Variants in DPF1 observed in about 807,000 individuals in gnomAD.
The protein encoded by DPF1 is double PHD fingers 1, also known as zinc finger protein neuro-d4.
Under a neutral mutation model 58.7 loss-of-function variants are expected in DPF1, and 14 were observed. The ratio of observed to expected loss-of-function variants is 0.24; its 90% confidence interval spans 0.16 to 0.37. The LOEUF (loss-of-function observed/expected upper bound fraction) is 0.37, where lower values mean the gene tolerates loss of function less well. Among genes scored for constraint, DPF1 ranks in the 10% least tolerant of loss-of-function variants. The pLI is 1.00. For missense variants in DPF1, 345 were observed against 529.9 expected, an observed-to-expected ratio of 0.65 and a Z score of 3.43; for synonymous variants, 216 against 216.0, an observed-to-expected ratio of 1.00 and a Z score of 0.00.
upstream of DPF1, chr19:38,224,337 C>A: frequency 8.1e-7 from 1 of 1,233,490 alleles, no homozygotes; most frequent in South Asian, 3.5e-5. This position sits in a 1 kb window ranked among gnomAD's most constrained non-coding sequence, Gnocchi z 4.5. Flanking sequence ...CCCCCGGGAC[C>A]CCGCGGGGAC....
Position 38,211,929 on chromosome 19 carries a change from G to T in DPF1, c.*134C>A, listed in dbSNP as rs905123281. The T allele has an allele frequency of 2.5e-5, 24 of 944,832 alleles. No individual in the cohort carries two copies. In the Admixed American group the frequency reaches 3.0e-4, roughly 12 times the overall value. 58.5% of individuals were successfully genotyped at this position (944,832 alleles called of 1,614,324 possible). A position where few individuals can be genotyped will look rare whatever the true frequency, so the allele number is the denominator to read the frequency against. ...GACATTCCACTTGCACAGAGGGGAG[G>T]GGGTGGCCCAGCCCCCTCTCGGCTT... is the stretch of plus-strand genomic sequence containing the variant. On this transcript the variant is annotated 3_prime_UTR_variant, in exon 12 of 12. Coordinates refer to ENST00000355526, the MANE Select transcript of DPF1 (RefSeq NM_001135155.3). The surrounding 1 kb of genome is among the most constrained non-coding windows in gnomAD (Gnocchi z 4.0).
In DPF1 at chr19:38,217,489, A is replaced by G; in HGVS notation, c.698T>C (p.Leu233Pro). Reference protein sequence around the residue: ...EGEENAERHALPFHRKNNHKQ... With the variant: ...EGEENAERHAPPFHRKNNHKQ... ...ATGGTTGTTTTTCCGGTGGAAGGGC[A>G]GGGCGTGGCGTTCGGCGTTCTCCTC... The change falls in exon 7 of 12, where the codon CTG becomes CCG. Residue 233 changes from leucine to proline, a missense_variant. Physicochemically the swap from Leu to Pro is moderately conservative, Grantham distance 98. Coordinates refer to ENST00000355526, the MANE Select transcript of DPF1 (RefSeq NM_001135155.3). The G allele has an allele frequency of 6.5e-7, 1 of 1,534,120 alleles. No individual in the cohort carries two copies.
At chr19:38,218,082 G>A (rs1442933492) in intron 5 of DPF1, among the ~76,000 whole-genome samples, 3 of 152,072 alleles carry the variant, frequency 2.0e-5, no homozygotes, top group Admixed American at 2.0e-4. Flanking sequence ...CGTGCCTGTA[G>A]TCCCAGCTAC....
chr19:38,214,502 A>C (rs7254840), intron 9 of DPF1, among the ~76,000 whole-genome samples: 49,374 of 151,950 alleles, frequency 0.32, 10,295 homozygotes, highest in African/African-American at 0.6. Context: ...AGGCAACCAG[A>C]GTCTATATTG....
intron 9 of DPF1, among the ~76,000 whole-genome samples, chr19:38,214,981 ACG>A (rs1555801124): frequency 6.6e-6 from 1 of 150,844 alleles, no homozygotes; most frequent in Non-Finnish European, 1.5e-5. Context: ...AACTACAGGC[ACG>A]CACCACCACA....
At chr19:38,224,457 ACACGCC>A (rs1733573265), upstream of DPF1, among the ~76,000 whole-genome samples, 1 of 152,118 alleles carries the variant, frequency 6.6e-6, no homozygotes, top group South Asian at 2.1e-4. This position sits in a 1 kb window ranked among gnomAD's most constrained non-coding sequence, Gnocchi z 4.5. Flanking sequence ...CTGGACTCGC[ACACGCC>A]CACGCATGGC....
chr19:38,211,852 G>C lies in DPF1; in HGVS notation c.*211C>G. The C allele has an allele frequency of 7.5e-6, 4 of 534,840 alleles. No homozygotes were observed. The highest frequency in any genetic ancestry group is 1.3e-5 in the Non-Finnish European group (4 of 300,912). 33.1% of individuals were successfully genotyped at this position (534,840 alleles called of 1,614,324 possible). A position where few individuals can be genotyped will look rare whatever the true frequency, so the allele number is the denominator to read the frequency against. On this transcript the variant is annotated 3_prime_UTR_variant, in exon 12 of 12. Transcript: ENST00000355526. This position sits in a 1 kb window ranked among gnomAD's most constrained non-coding sequence, Gnocchi z 4.0. ...TGGTGTCCATTTGCCAAGGGACAGA[G>C]AGGGAGGGAGGGAGGGAGAGGCCCT...
At chr19:38,215,218 C>T (rs996980835) in intron 9 of DPF1, among the ~76,000 whole-genome samples, 27 of 150,796 alleles carry the variant, frequency 1.8e-4, no homozygotes, top group Middle Eastern at 3.4e-3. Context: ...CTGGGTGCTG[C>T]GGTGGCTCAC....
In DPF1 at chr19:38,222,830, C is replaced by T. The variant is rs996391430; in HGVS notation, c.30-122G>A. ...GGAGGGGTGGGCCGACCCCTCCAGC[C>T]TCACCTCTCCCCTCCTCCCACTCCG... On this transcript the variant is annotated intron_variant, in intron 1 of 11. Transcript: ENST00000355526. The surrounding 1 kb of genome is among the most constrained non-coding windows in gnomAD (Gnocchi z 4.9). 1 of 1,317,208 alleles carries T rather than the reference C, an allele frequency of 7.6e-7. No homozygotes were observed. Among genetic ancestry groups the T allele is most frequent in the Middle Eastern group, 2.8e-4 (1 of 3,610 alleles). 81.6% of individuals were successfully genotyped at this position (1,317,208 alleles called of 1,614,324 possible). A position where few individuals can be genotyped will look rare whatever the true frequency, so the allele number is the denominator to read the frequency against.
chr19:38,212,096 C>T lies in DPF1; in HGVS notation c.1131G>A (p.Lys377=), dbSNP rs1253667345. The T allele has an allele frequency of 1.4e-5, 22 of 1,612,314 alleles. No individual in the cohort carries two copies. The highest frequency in any genetic ancestry group is 1.7e-5 in the Non-Finnish European group (20 of 1,179,774). Residue 377 remains lysine, a synonymous_variant, in exon 12 of 12, where the codon AAG becomes AAA. Transcript: ENST00000355526. The part of the protein sequence containing the change: ...WSCHLCLRHL[K]EKASAYITLT ...GGGTGATGTAAGCAGAAGCCTTTTC[C>T]TTCAGGTGCCGGAGACAGAGGTGAC...
rs916828215 is a variant in DPF1, at chr19:38,224,033, C to T, written c.29+81G>A. The T allele has an allele frequency of 2.0e-5, 29 of 1,422,902 alleles. No individual in the cohort carries two copies. The African/African-American group carries it at 4.2e-4, about 21-fold the overall frequency. 88.1% of individuals were successfully genotyped at this position (1,422,902 alleles called of 1,614,324 possible). ...ACAGCCCCCCAGACACCCCTTCGGC[C>T]CCACCCCCGGTCGCCACACACACAC... On this transcript the variant is annotated intron_variant, in intron 1 of 11. Transcript: ENST00000355526. This position sits in a 1 kb window ranked among gnomAD's most constrained non-coding sequence, Gnocchi z 4.5.
chr19:38,213,582 G>A lies in DPF1; in HGVS notation c.1011+62C>T. 2.0e-5 allele frequency: 29 copies of A among 1,442,122 alleles called. No homozygotes were observed. The South Asian group carries it at 3.4e-4, about 17-fold the overall frequency. 89.3% of individuals were successfully genotyped at this position (1,442,122 alleles called of 1,614,324 possible). A position where few individuals can be genotyped will look rare whatever the true frequency, so the allele number is the denominator to read the frequency against. On this transcript the variant is annotated intron_variant, in intron 10 of 11. Coordinates refer to ENST00000355526, the MANE Select transcript of DPF1 (RefSeq NM_001135155.3). ...CAGGCACAGGCTTTAGGCTTAAGGG[G>A]CAGAGGTGGACGTGCCAGGCGGGGC...
intron 10 of DPF1, among the ~76,000 whole-genome samples, chr19:38,213,016 C>T (rs1285206467): frequency 6.8e-5 from 10 of 147,112 alleles, no homozygotes; most frequent in African/African-American, 2.5e-4. Context: ...GACGGAATCT[C>T]GCTCTGTCAC....
At chr19:38,227,798 T>C (rs1162966235), upstream of DPF1, 1 of 152,242 alleles carries the variant, frequency 6.6e-6, no homozygotes, top group Non-Finnish European at 1.5e-5. Flanking sequence ...CAGTCGGAAC[T>C]TCCGAGGGCG....
At position 38,217,895 on chromosome 19, in the gene DPF1, G is replaced by A; in HGVS notation, c.517-19C>T. 6.2e-7 allele frequency: 1 copy of A among 1,613,850 alleles called. No homozygotes were observed. Among genetic ancestry groups the A allele is most frequent in the African/African-American group, 1.3e-5 (1 of 75,054 alleles). ...CATATGCCTGTGGGGAGAGTCAGGA[G>A]TGAGGGGCCAAGAAAGTGAGAAAAC... On this transcript the variant is annotated intron_variant, in intron 5 of 11. Coordinates refer to ENST00000355526, the MANE Select transcript of DPF1 (RefSeq NM_001135155.3).
chr19:38,219,365 T>G, intron 3 of DPF1: 3 of 375,142 alleles, frequency 8.0e-6, no homozygotes, highest in East Asian at 5.5e-5. Flanking sequence ...CTCTCAAACA[T>G]ACCCAGACAA....
rs1157340889 is a variant in DPF1, at chr19:38,217,809, T to TA, written c.583dup (p.Tyr195LeufsTer4). ...TCAGAAGGACTCACTATCACAGACA[T>TA]ACGGCTTGTCTCGGTCCTCCAGGGA... On this transcript the variant is annotated frameshift_variant, in exon 6 of 12. Coordinates refer to ENST00000355526, the MANE Select transcript of DPF1 (RefSeq NM_001135155.3). LOFTEE classifies it high-confidence loss of function. 1 of 1,614,064 alleles carries TA rather than the reference T, an allele frequency of 6.2e-7. No individual in the cohort carries two copies.
At chr19:38,216,594 T>C in intron 7 of DPF1, 191 bp from the exon 8 acceptor site, 1 of 576,868 alleles carries the variant, frequency 1.7e-6, no homozygotes, top group Non-Finnish European at 2.7e-6. Context: ...TTTTAAATTT[T>C]TTTTTCAATT....
At chr19:38,216,016 C>T in intron 9 of DPF1, 124 bp downstream of exon 9, 1 of 1,457,934 alleles carries the variant, frequency 6.9e-7, no homozygotes, top group South Asian at 1.4e-5. Context: ...TCTGGTTATC[C>T]ACAGTATCCC....
Sources: allele counts gnomAD v4.1 joint callset (sites outside exome capture counted in the v4.1 genomes callset), GRCh38; gene constraint gnomAD v4.1.1; non-coding constraint Gnocchi (gnomAD v3.1); transcripts MANE v1.5; gene names NCBI Gene and HGNC (gene_info 2026-07-23, HGNC 2026-07-21).